The following PSD3 variants were observed in gnomAD, a reference collection of about 807,000 sequenced individuals.
The protein encoded by PSD3 is PH and SEC7 domain-containing protein 3.
A neutral mutation model predicts 105.5 loss-of-function variants in PSD3; 49 were observed. That is an observed-to-expected ratio of 0.46 (90% CI 0.37 to 0.59). PSD3 has a LOEUF of 0.59. PSD3 is among the 20% of genes least tolerant of loss of function. PSD3 has a pLI of 0.00. For synonymous variants in PSD3, 557 were observed against 457.8 expected (o/e 1.22, Z -2.77); for missense variants, 1,561 against 1,263.8 (o/e 1.24, Z -3.57).
intron 12 of PSD3, among the ~76,000 whole-genome samples, chr8:18,591,270 G>T (rs1017670223): frequency 1.3e-5 from 2 of 152,168 alleles, no homozygotes; most frequent in African/African-American, 4.8e-5. Context: ...TGGGGGAAAG[G>T]AAAGAGGTCT....
chr8:18,690,797 C>A (rs550945057), intron 9 of PSD3, among the ~76,000 whole-genome samples: 1 of 152,220 alleles, frequency 6.6e-6, no homozygotes, highest in East Asian at 1.9e-4. Flanking sequence ...GCCTGCTGAA[C>A]CAGCTTCAGA....
chr8:18,653,976 C>A (rs1019775796), intron 10 of PSD3, among the ~76,000 whole-genome samples: 1 of 152,100 alleles, frequency 6.6e-6, no homozygotes, highest in African/African-American at 2.4e-5. Context: ...ATATCCTTCA[C>A]AAAATTTTCC....
rs1206030879 is a variant in PSD3 at position 19,074,607 on chromosome 8, ATATATTTTTTTT to A, written c.324+9587_324+9598del. 3.5e-3 allele frequency among the ~76,000 whole-genome samples: 41 copies of A among 11,674 alleles called. No homozygotes were observed. In the East Asian group the frequency reaches 0.08, roughly 23 times the overall value. 7.7% of individuals were successfully genotyped at this position (11,674 alleles called of 152,430 possible). A position where few individuals can be genotyped will look rare whatever the true frequency, so the allele number is the denominator to read the frequency against. On this transcript the variant is annotated intron_variant, in intron 1 of 1. Transcript: ENST00000521475. ...CAGATATATACATATATATATATAT[ATATATTTTTTTT>A]TTTTTTTTTTTTTTTTTTTGAGATG...
chr8:18,693,224 C>A (rs1801068814), intron 9 of PSD3, among the ~76,000 whole-genome samples: 1 of 152,174 alleles, frequency 6.6e-6, no homozygotes. Flanking sequence ...ACACATACGA[C>A]CTTAAATACA....
At chr8:18,991,990 A>C (rs992127149) in intron 1 of PSD3, among the ~76,000 whole-genome samples, 4 of 152,170 alleles carry the variant, frequency 2.6e-5, no homozygotes, top group Non-Finnish European at 5.9e-5. Flanking sequence ...GCTCAGAAAA[A>C]CTAATACGTT....
At chr8:18,947,109 G>C (rs921841780) in intron 1 of PSD3, among the ~76,000 whole-genome samples, 3 of 152,070 alleles carry the variant, frequency 2.0e-5, no homozygotes, top group African/African-American at 7.2e-5. Flanking sequence ...TATTCCAAAA[G>C]TCAGTAACAA....
chr8:18,682,940 G>A (rs1015338215), intron 9 of PSD3, among the ~76,000 whole-genome samples: 7 of 151,978 alleles, frequency 4.6e-5, no homozygotes, highest in Admixed American at 2.6e-4. Flanking sequence ...ATGAATCTCC[G>A]TTATAATCAT....
intron 1 of PSD3, among the ~76,000 whole-genome samples, chr8:18,979,151 C>G (rs1825116258): frequency 6.6e-6 from 1 of 151,214 alleles, no homozygotes; most frequent in Admixed American, 6.6e-5. Flanking sequence ...AGTCACTAAA[C>G]GGGAAACCAC....
rs528033515 is a variant in PSD3, at chr8:18,620,229, C to G, written c.2410+12384G>C. Among the ~76,000 whole-genome samples the G allele has an allele frequency of 3.3e-5, 5 of 152,260 alleles. No individual in the cohort carries two copies. The South Asian group carries it at 1.0e-3, about 32-fold the overall frequency. The stretch of plus-strand genomic sequence containing the variant: ...CCTTTTGGGGCTGAACCAATGGATA[C>G]CTTTCATGTACTGATTTATGTCTTT... On this transcript the variant is annotated intron_variant, in intron 11 of 15. Coordinates refer to ENST00000327040, the MANE Select transcript of PSD3 (RefSeq NM_015310.4).
chr8:18,934,618 T>G (rs2638620), intron 2 of PSD3, among the ~76,000 whole-genome samples: 2,566 of 152,252 alleles, frequency 0.017, 73 homozygotes, highest in African/African-American at 0.058. Flanking sequence ...CTAAGATCTT[T>G]ATAAATGTCA....
At chr8:18,992,382 T>C (rs1334310302) in intron 1 of PSD3, among the ~76,000 whole-genome samples, 1 of 152,186 alleles carries the variant, frequency 6.6e-6, no homozygotes, top group Non-Finnish European at 1.5e-5. Context: ...TAAAAGCTAA[T>C]GACCCTACAG....
chr8:18,619,145 C>A (rs1242469754), intron 11 of PSD3, among the ~76,000 whole-genome samples: 1 of 152,066 alleles, frequency 6.6e-6, no homozygotes, highest in African/African-American at 2.4e-5. Context: ...CTAAGCCCTC[C>A]AACCAACTGC....
intron 2 of PSD3, among the ~76,000 whole-genome samples, chr8:18,887,451 T>A (rs1276196543): frequency 6.6e-6 from 1 of 152,232 alleles, no homozygotes; most frequent in African/African-American, 2.4e-5. Flanking sequence ...CATAAACTTT[T>A]ATATCACTTA....
At chr8:18,595,512 C>T (rs975835047) in intron 12 of PSD3, among the ~76,000 whole-genome samples, 3 of 132,524 alleles carry the variant, frequency 2.3e-5, no homozygotes, top group Non-Finnish European at 3.3e-5. Context: ...GAAAAAAAAA[C>T]CCAAGTATAA....
At chr8:18,549,959 T>TTCAGAA (rs1800666026) in intron 15 of PSD3, among the ~76,000 whole-genome samples, 1 of 152,180 alleles carries the variant, frequency 6.6e-6, no homozygotes, top group Admixed American at 6.5e-5. Context: ...GAAACTGAGG[T>TTCAGAA]TCAGAAAGGA....
At chr8:18,692,448 G>A (rs1801023053) in intron 9 of PSD3, among the ~76,000 whole-genome samples, 1 of 152,150 alleles carries the variant, frequency 6.6e-6, no homozygotes, top group Non-Finnish European at 1.5e-5. Flanking sequence ...AATGAGGCAG[G>A]ATCTGAAGAA....
At chr8:18,786,444 T>C (rs1385342154) in intron 8 of PSD3, among the ~76,000 whole-genome samples, 2 of 152,236 alleles carry the variant, frequency 1.3e-5, no homozygotes, top group African/African-American at 4.8e-5. Context: ...TCATACCTCA[T>C]CCTAAATTCA....
intron 9 of PSD3, among the ~76,000 whole-genome samples, chr8:18,744,182 T>A (rs973403885): frequency 1.3e-5 from 2 of 152,234 alleles, no homozygotes; most frequent in African/African-American, 4.8e-5. Context: ...AAGTATTTTT[T>A]ATGTGCCAAG....
At chr8:18,878,294 A>G (rs961883247) in intron 2 of PSD3, among the ~76,000 whole-genome samples, 2 of 152,066 alleles carry the variant, frequency 1.3e-5, no homozygotes, top group African/African-American at 2.4e-5. Flanking sequence ...ATATCCTACA[A>G]CCTTGCTTAA....
Sources: gnomAD v4.1 joint callset for allele counts (sites outside exome capture counted in the v4.1 genomes callset) on GRCh38, gnomAD v4.1.1 for gene constraint, MANE v1.5 for transcripts, NCBI Gene and HGNC (gene_info 2026-07-23, HGNC 2026-07-21) for gene names.